SERPINI1: variants seen among roughly 807,000 people sequenced by gnomAD.
SERPINI1 encodes neuroserpin.
Under a neutral mutation model 41.1 loss-of-function variants are expected in SERPINI1, and 19 were observed. The ratio of observed to expected loss-of-function variants is 0.46; its 90% CI spans 0.32 to 0.68. The LOEUF is 0.68. Ranked by LOEUF, SERPINI1 falls within the 30% of genes least tolerant of loss-of-function variation. SERPINI1 has a pLI of 0.03. For missense variants in SERPINI1, 460 were observed against 479.2 expected, an observed-to-expected ratio of 0.96 and a Z score of 0.37; for synonymous variants, 138 against 156.6, an observed-to-expected ratio of 0.88 and a Z score of 0.89.
intron 6 of SERPINI1, among the ~76,000 whole-genome samples, chr3:167,811,511 T>A (rs1194143742): frequency 1.3e-4 from 19 of 151,260 alleles, no homozygotes; most frequent in Admixed American, 9.9e-4. Flanking sequence ...AATATATGTA[T>A]GTATATAGGC....
chr3:167,816,772 A>G lies in SERPINI1; in HGVS notation c.980-6214A>G, dbSNP rs966236055. On this transcript the variant is annotated intron_variant, in intron 6 of 8. Coordinates refer to ENST00000446050, the MANE Select transcript of SERPINI1 (RefSeq NM_001122752.2). The stretch of plus-strand genomic sequence containing the variant: ...GATTTAGGAATTAGAGGAGAGCAGA[A>G]AAAGCCTCACAGAGCTAGATGCTGA... Among the ~76,000 whole-genome samples, 8 of 152,276 alleles carry G rather than the reference A, an allele frequency of 5.3e-5. 1 individual carries two copies. Among genetic ancestry groups the G allele is most frequent in the African/African-American group, 1.9e-4 (8 of 41,568 alleles).
intron 1 of SERPINI1, among the ~76,000 whole-genome samples, chr3:167,771,507 T>G (rs1181033673): frequency 6.6e-6 from 1 of 152,240 alleles, no homozygotes; most frequent in Non-Finnish European, 1.5e-5. Context: ...TAACTTTGGT[T>G]GGTTTCACTG....
chr3:167,816,016 T>G (rs900182833), intron 6 of SERPINI1, among the ~76,000 whole-genome samples: 2 of 152,202 alleles, frequency 1.3e-5, no homozygotes, highest in Non-Finnish European at 2.9e-5. Flanking sequence ...ATTATTGTCT[T>G]ATGTTTTATT....
rs1371585443 is a variant in SERPINI1, at chr3:167,747,713, C to T, written c.-19+11890C>T. Reference sequence around the variant, plus strand: ...AAGGGTACATTTTATGATATGCGAACTATATTTTAATAAACCTGCTTTTTA... The same window carrying T: ...AAGGGTACATTTTATGATATGCGAATTATATTTTAATAAACCTGCTTTTTA... On this transcript the variant is annotated intron_variant, in intron 1 of 8. Coordinates refer to ENST00000446050, the MANE Select transcript of SERPINI1 (RefSeq NM_001122752.2). Among the ~76,000 whole-genome samples the T allele has an allele frequency of 3.3e-5, 5 of 152,104 alleles. 1 individual carries two copies. The highest frequency in any genetic ancestry group is 1.2e-4 in the African/African-American group (5 of 41,402).
chr3:167,805,236 C>T (rs1031432896), intron 5 of SERPINI1, among the ~76,000 whole-genome samples: 3 of 152,120 alleles, frequency 2.0e-5, no homozygotes, highest in African/African-American at 4.8e-5. Flanking sequence ...TAATAATCAC[C>T]ATTCTGACTG....
At chr3:167,769,833 G>T (rs1726684393) in intron 1 of SERPINI1, among the ~76,000 whole-genome samples, 2 of 151,858 alleles carry the variant, frequency 1.3e-5, no homozygotes, top group Non-Finnish European at 2.9e-5. Flanking sequence ...TTTTTATGAT[G>T]TATTCATATC....
intron 1 of SERPINI1, among the ~76,000 whole-genome samples, chr3:167,744,482 T>C (rs926341980): frequency 6.6e-6 from 1 of 150,680 alleles, no homozygotes; most frequent in African/African-American, 2.4e-5. Context: ...GTGAGAAATT[T>C]AGAAGAGTTG....
chr3:167,769,022 T>TTCC (rs1185399218), intron 1 of SERPINI1, among the ~76,000 whole-genome samples: 1 of 150,798 alleles, frequency 6.6e-6, no homozygotes, highest in Non-Finnish European at 1.5e-5. Flanking sequence ...TGAGATGGAG[T>TTCC]GTGGCTCTGT....
intron 6 of SERPINI1, 197 bp from the exon 7 acceptor site, chr3:167,822,789 G>A (rs1712381197): frequency 2.0e-6 from 1 of 503,240 alleles, no homozygotes; most frequent in African/African-American, 1.9e-5. Context: ...AAGAAAATTA[G>A]CAAAAGAATA....
chr3:167,790,047 G>C (rs906970181), intron 2 of SERPINI1, among the ~76,000 whole-genome samples: 2 of 152,098 alleles, frequency 1.3e-5, no homozygotes, highest in Non-Finnish European at 2.9e-5. Flanking sequence ...TTTAAACTAG[G>C]TACTTTTTTC....
At chr3:167,801,670 A>G (rs1380666842) in intron 5 of SERPINI1, among the ~76,000 whole-genome samples, 1 of 152,154 alleles carries the variant, frequency 6.6e-6, no homozygotes, top group Non-Finnish European at 1.5e-5. Flanking sequence ...TATATTATTC[A>G]TAAAAGGATT....
chr3:167,747,426 C>T (rs1408676082), intron 1 of SERPINI1, among the ~76,000 whole-genome samples: 1 of 152,130 alleles, frequency 6.6e-6, no homozygotes, highest in Admixed American at 6.5e-5. Flanking sequence ...AGGCGGATCA[C>T]GAGGTCAGGA....
chr3:167,801,819 G>T (rs1691474965), intron 5 of SERPINI1, among the ~76,000 whole-genome samples: 1 of 152,152 alleles, frequency 6.6e-6, no homozygotes, highest in Non-Finnish European at 1.5e-5. Context: ...AAAAGTCAAG[G>T]AATGGACAAC....
chr3:167,752,831 TG>T (rs1268836426), intron 1 of SERPINI1, among the ~76,000 whole-genome samples: 1 of 152,146 alleles, frequency 6.6e-6, no homozygotes, highest in African/African-American at 2.4e-5. Flanking sequence ...TCCCTCTGTC[TG>T]GAATACTGCT....
chr3:167,756,881 T>C lies in SERPINI1; in HGVS notation c.-19+21058T>C, dbSNP rs79727342. ...GACTTTATAAATAATGTATTCTGCG[T>C]CTCAGCTGACTCTTCGTTATGTCAC... On this transcript the variant is annotated intron_variant, in intron 1 of 8. Transcript: ENST00000446050. Among the ~76,000 whole-genome samples the C allele has an allele frequency of 6.5e-3, 985 of 152,294 alleles. 14 individuals are homozygous for C. Among genetic ancestry groups the C allele is most frequent in the African/African-American group, 0.022 (925 of 41,566 alleles).
chr3:167,754,179 G>A (rs921096681), intron 1 of SERPINI1, among the ~76,000 whole-genome samples: 1 of 152,140 alleles, frequency 6.6e-6, no homozygotes, highest in African/African-American at 2.4e-5. Context: ...AATTAGGCAT[G>A]AAATCCAGGA....
At chr3:167,756,051 C>T (rs1433762888) in intron 1 of SERPINI1, among the ~76,000 whole-genome samples, 2 of 147,752 alleles carry the variant, frequency 1.4e-5, no homozygotes, top group African/African-American at 4.9e-5. Flanking sequence ...CACCCCCTGA[C>T]CCCTGCCCCC....
chr3:167,772,893 T>TATACACAC (rs1391850018), intron 1 of SERPINI1, among the ~76,000 whole-genome samples: 3 of 52,242 alleles, frequency 5.7e-5, no homozygotes, highest in East Asian at 5.4e-4. Context: ...TATATATATA[T>TATACACAC]ACACACACAC....
intron 1 of SERPINI1, among the ~76,000 whole-genome samples, chr3:167,786,507 CAAAAAAAAA>C (rs71176662): frequency 4.0e-5 from 3 of 75,202 alleles, no homozygotes; most frequent in African/African-American, 1.5e-4. Flanking sequence ...GACTCCGTCT[CAAAAAAAAA>C]AAAAAAAAAA....
Sources: gnomAD v4.1 joint callset for allele counts (sites outside exome capture counted in the v4.1 genomes callset) on GRCh38, gnomAD v4.1.1 for gene constraint, MANE v1.5 for transcripts, NCBI Gene and HGNC (gene_info 2026-07-23, HGNC 2026-07-21) for gene names.